The following CSMD3 variants were observed in gnomAD, a reference collection of about 807,000 sequenced individuals.
CSMD3 encodes CUB and Sushi multiple domains 3, also known as CUB and sushi domain-containing protein 3.
Under a neutral mutation model 435.2 loss-of-function variants are expected in CSMD3, and 177 were observed. The ratio of observed to expected loss-of-function variants is 0.41; its 90% confidence interval spans 0.36 to 0.46. The LOEUF (loss-of-function observed/expected upper bound fraction) is 0.46. CSMD3 is among the 20% of genes least tolerant of loss of function. The pLI is 0.34. For missense variants in CSMD3, 4,265 were observed against 4,504.6 expected (o/e 0.95, Z 1.52); for synonymous variants, 1,656 against 1,520.5 (o/e 1.09, Z -2.07).
rs138032565 is a variant in CSMD3 at position 112,615,296 on chromosome 8, C to T, written c.3715+21521G>A. The stretch of plus-strand genomic sequence containing the variant: ...CTAATTTAGGAGCTTTGAACCATGA[C>T]AGTATAGCATTTGACAAAAGTTGAA... On this transcript the variant is annotated intron_variant, in intron 22 of 70. Transcript: ENST00000297405. Among the ~76,000 whole-genome samples the T allele has an allele frequency of 1.7e-3, 255 of 152,112 alleles. 3 individuals are homozygous for T. Among genetic ancestry groups the T allele is most frequent in the African/African-American group, 5.9e-3 (245 of 41,508 alleles).
chr8:113,336,235 T>C (rs963009592), intron 1 of CSMD3, among the ~76,000 whole-genome samples: 6 of 152,098 alleles, frequency 3.9e-5, no homozygotes, highest in African/African-American at 1.4e-4. Context: ...CTACTTATTA[T>C]ACTTTTCGTA....
intron 13 of CSMD3, among the ~76,000 whole-genome samples, chr8:112,739,313 T>C (rs907316395): frequency 6.6e-6 from 1 of 151,746 alleles, no homozygotes; most frequent in Non-Finnish European, 1.5e-5. Context: ...TATTCTTCCA[T>C]AAGAAATGCA....
At chr8:113,377,160 G>C in intron 1 of CSMD3, 1 of 1,246,950 alleles carries the variant, frequency 8.0e-7, no homozygotes, top group Non-Finnish European at 1.0e-6. Context: ...TGTACGCCCC[G>C]GAAACCCTGC....
At chr8:113,376,582 A>C (rs1449548564) in intron 1 of CSMD3, 2 of 739,140 alleles carry the variant, frequency 2.7e-6, no homozygotes, top group Admixed American at 2.7e-5. Flanking sequence ...ATATATAAAA[A>C]AATTGATATC....
intron 34 of CSMD3, among the ~76,000 whole-genome samples, chr8:112,406,938 G>A: frequency 6.6e-6 from 1 of 151,826 alleles, no homozygotes; most frequent in African/African-American, 2.4e-5. Context: ...TTTTTTATTA[G>A]AAAAGTTTTA....
At chr8:112,365,330 TA>T (rs1827662794) in intron 38 of CSMD3, among the ~76,000 whole-genome samples, 1 of 152,008 alleles carries the variant, frequency 6.6e-6, no homozygotes, top group South Asian at 2.1e-4. Context: ...TAATTTTTGT[TA>T]GCACAAAATC....
At chr8:113,315,917 C>G (rs1349267892) in intron 1 of CSMD3, among the ~76,000 whole-genome samples, 1 of 151,848 alleles carries the variant, frequency 6.6e-6, no homozygotes, top group Non-Finnish European at 1.5e-5. Flanking sequence ...CGGGGTTTCA[C>G]CATGCTGGCC....
intron 1 of CSMD3, among the ~76,000 whole-genome samples, chr8:113,366,867 CA>C (rs1206848009): frequency 5.9e-5 from 9 of 152,084 alleles, no homozygotes; most frequent in Non-Finnish European, 1.2e-4. Flanking sequence ...TTATACAAGA[CA>C]AAAACTAGAG....
intron 1 of CSMD3, among the ~76,000 whole-genome samples, chr8:113,433,209 A>G (rs530743292): frequency 1.3e-4 from 20 of 152,226 alleles, no homozygotes; most frequent in Admixed American, 7.8e-4. Flanking sequence ...GTTTGCTGTT[A>G]TTATTTTGAA....
chr8:113,110,734 T>C (rs1170069325), intron 4 of CSMD3, among the ~76,000 whole-genome samples: 1 of 152,232 alleles, frequency 6.6e-6, no homozygotes, highest in African/African-American at 2.4e-5. Context: ...AGCCTCTATT[T>C]GTTACCTAGT....
At chr8:112,796,765 C>T (rs938837828) in intron 13 of CSMD3, among the ~76,000 whole-genome samples, 2 of 151,918 alleles carry the variant, frequency 1.3e-5, no homozygotes, top group African/African-American at 4.8e-5. Context: ...ATTTAGTTCA[C>T]ATCTTAAATA....
intron 10 of CSMD3, among the ~76,000 whole-genome samples, chr8:112,919,665 A>G (rs1188180302): frequency 6.6e-6 from 1 of 151,870 alleles, no homozygotes; most frequent in Non-Finnish European, 1.5e-5. Context: ...TTTTGAAGCC[A>G]TGATGTTCAC....
chr8:112,841,099 G>A (rs956340260), intron 11 of CSMD3, among the ~76,000 whole-genome samples: 6 of 151,712 alleles, frequency 4.0e-5, no homozygotes, highest in Non-Finnish European at 8.8e-5. Flanking sequence ...CAGTGATAGA[G>A]GAGGTGAGGG....
chr8:112,543,373 T>C (rs1014581183), intron 27 of CSMD3, among the ~76,000 whole-genome samples: 16 of 151,982 alleles, frequency 1.1e-4, no homozygotes, highest in African/African-American at 3.9e-4. Context: ...CCAAAAGACA[T>C]AGGGAACCTC....
intron 16 of CSMD3, among the ~76,000 whole-genome samples, chr8:112,673,703 A>G (rs1206288829): frequency 6.6e-6 from 1 of 152,048 alleles, no homozygotes; most frequent in East Asian, 1.9e-4. Flanking sequence ...AGAACCTCTT[A>G]CCCTCAAAGG....
chr8:113,087,401 T>G (rs554086978), intron 5 of CSMD3, among the ~76,000 whole-genome samples: 197 of 152,046 alleles, frequency 1.3e-3, no homozygotes, highest in African/African-American at 4.6e-3. Flanking sequence ...CATCACCAAG[T>G]CAATCCTAAG....
intron 9 of CSMD3, among the ~76,000 whole-genome samples, chr8:112,933,630 T>C (rs2083188153): frequency 6.6e-6 from 1 of 152,162 alleles, no homozygotes; most frequent in Non-Finnish European, 1.5e-5. Flanking sequence ...TCACAGTGAA[T>C]GTGTAAACTG....
At chr8:112,849,552 T>G (rs2080425704) in intron 11 of CSMD3, among the ~76,000 whole-genome samples, 1 of 152,092 alleles carries the variant, frequency 6.6e-6, no homozygotes, top group African/African-American at 2.4e-5. Flanking sequence ...CACCTGGATT[T>G]TCTCCAACCA....
At chr8:113,275,048 G>T (rs780069557) in intron 3 of CSMD3, among the ~76,000 whole-genome samples, 6 of 151,918 alleles carry the variant, frequency 3.9e-5, no homozygotes, top group Non-Finnish European at 7.4e-5. Context: ...GAATTGAAAT[G>T]CTTATATATA....
Sources: gnomAD v4.1 joint callset for allele counts (sites outside exome capture counted in the v4.1 genomes callset) on GRCh38, gnomAD v4.1.1 for gene constraint, MANE v1.5 for transcripts, NCBI Gene and HGNC (gene_info 2026-07-23, HGNC 2026-07-21) for gene names.